HDAC9: variants seen among roughly 807,000 people sequenced by gnomAD.
HDAC9 encodes the protein histone deacetylase 9, also known as MEF-2 interacting transcription repressor (MITR) protein.
In HDAC9, 41 loss-of-function variants were observed where a neutral mutation model predicts 139.4. That is an observed-to-expected ratio of 0.29 (90% CI 0.23 to 0.38). HDAC9 has a LOEUF of 0.38. Among genes scored for constraint, HDAC9 ranks in the 10% least tolerant of loss-of-function variants. The pLI is 1.00. For synonymous variants in HDAC9, 517 were observed against 476.2 expected (o/e 1.09, Z -1.12); for missense variants, 1,147 against 1,297.0 (o/e 0.88, Z 1.78).
chr7:18,217,413 A>AT (rs1346745366), intron 2 of HDAC9, among the ~76,000 whole-genome samples: 1 of 151,690 alleles, frequency 6.6e-6, no homozygotes, highest in Non-Finnish European at 1.5e-5. Context: ...TATCTTTATT[A>AT]TTTTTTCCTC....
intron 2 of HDAC9, among the ~76,000 whole-genome samples, chr7:18,514,884 T>C (rs1802678045): frequency 6.6e-6 from 1 of 152,076 alleles, no homozygotes. Context: ...GAATTTGAGT[T>C]TGAAGTGAGC....
intron 1 of HDAC9, among the ~76,000 whole-genome samples, chr7:18,454,605 G>A (rs964994044): frequency 2.0e-5 from 3 of 151,692 alleles, no homozygotes; most frequent in African/African-American, 4.8e-5. Flanking sequence ...ATCATTATAA[G>A]GTAAAATAAA....
At chr7:18,353,161 C>T (rs1192262896) in intron 1 of HDAC9, among the ~76,000 whole-genome samples, 1 of 152,048 alleles carries the variant, frequency 6.6e-6, no homozygotes, top group Non-Finnish European at 1.5e-5. Flanking sequence ...ATGATACAGG[C>T]ATACAAAAGT....
intron 17 of HDAC9, among the ~76,000 whole-genome samples, chr7:18,817,491 A>G (rs1365952017): frequency 6.6e-6 from 1 of 152,192 alleles, no homozygotes; most frequent in African/African-American, 2.4e-5. Flanking sequence ...GTAATAGAAC[A>G]TTTGGATCTT....
At chr7:18,237,660 G>A (rs922276383) in intron 2 of HDAC9, among the ~76,000 whole-genome samples, 2 of 152,186 alleles carry the variant, frequency 1.3e-5, no homozygotes, top group African/African-American at 4.8e-5. Context: ...GAAGTACTGA[G>A]CTGGGTAATT....
chr7:18,260,311 GTTTTTTTTTTTGTTT>G (rs1446885143), intron 2 of HDAC9, among the ~76,000 whole-genome samples: 1 of 55,010 alleles, frequency 1.8e-5, no homozygotes, highest in African/African-American at 4.1e-5. Flanking sequence ...ACTTTTTTTT[GTTTTTTTTTTTGTTT>G]TTTTTTTTTT....
At chr7:18,640,538 C>T (rs1021441512) in intron 8 of HDAC9, among the ~76,000 whole-genome samples, 4 of 151,650 alleles carry the variant, frequency 2.6e-5, no homozygotes, top group African/African-American at 9.7e-5. Flanking sequence ...CTCCCTCCTT[C>T]CTTGGTTCCT....
At chr7:18,351,898 T>A (rs1782875136) in intron 1 of HDAC9, among the ~76,000 whole-genome samples, 1 of 152,184 alleles carries the variant, frequency 6.6e-6, no homozygotes, top group South Asian at 2.1e-4. Context: ...TCTCAAAAAA[T>A]TTGAATTGAC....
At chr7:18,524,061 G>C (rs887117697) in intron 2 of HDAC9, among the ~76,000 whole-genome samples, 21 of 152,058 alleles carry the variant, frequency 1.4e-4, no homozygotes, top group Non-Finnish European at 1.3e-4. Context: ...AAACATAGAG[G>C]GGAAAGAAGC....
chr7:18,445,416 G>A lies in HDAC9; in HGVS notation c.-41-50846G>A, dbSNP rs558179118. Among the ~76,000 whole-genome samples the A allele has an allele frequency of 1.9e-3, 283 of 152,116 alleles. 1 individual carries two copies. The highest frequency in any genetic ancestry group is 5.5e-3 in the African/African-American group (228 of 41,486). On this transcript the variant is annotated intron_variant, in intron 1 of 3. Coordinates refer to the HDAC9 transcript ENST00000413509. ...TGTTAATCAACTTGACATATCAAGAGGATAATAATTTTCTGCTCATTAAAT... is the reference window on the plus strand; with the variant it reads ...TGTTAATCAACTTGACATATCAAGAAGATAATAATTTTCTGCTCATTAAAT...
At chr7:18,574,942 G>A (rs1825549219) in intron 2 of HDAC9, among the ~76,000 whole-genome samples, 1 of 152,234 alleles carries the variant, frequency 6.6e-6, no homozygotes, top group Non-Finnish European at 1.5e-5. Context: ...ACCCCGGAGG[G>A]TGGGGCTTCT....
intron 6 of HDAC9, among the ~76,000 whole-genome samples, chr7:18,601,449 G>A (rs1232894154): frequency 6.6e-6 from 1 of 151,750 alleles, no homozygotes; most frequent in Non-Finnish European, 1.5e-5. Flanking sequence ...TTCCCAATCT[G>A]TATGCCTTTT....
intron 2 of HDAC9, among the ~76,000 whole-genome samples, chr7:18,222,071 G>A: frequency 6.6e-6 from 1 of 152,114 alleles, no homozygotes; most frequent in East Asian, 1.9e-4. Flanking sequence ...TGGGTCAAAG[G>A]TAACTTTCTC....
chr7:18,203,889 A>G (rs748153097), intron 2 of HDAC9, among the ~76,000 whole-genome samples: 8 of 152,174 alleles, frequency 5.3e-5, no homozygotes, highest in Admixed American at 2.6e-4. Context: ...AAGTAGAAGG[A>G]GCACTGTATT....
intron 12 of HDAC9, among the ~76,000 whole-genome samples, chr7:18,679,918 C>A (rs1337169943): frequency 6.6e-6 from 1 of 151,740 alleles, no homozygotes; most frequent in Non-Finnish European, 1.5e-5. Context: ...TTAAAAGTGC[C>A]TTGCAGTCTT....
chr7:18,806,735 A>G (rs1290107094), intron 17 of HDAC9, among the ~76,000 whole-genome samples: 2 of 152,096 alleles, frequency 1.3e-5, no homozygotes, highest in Admixed American at 1.3e-4. Context: ...TATTGAGAGG[A>G]TCATATGATT....
At chr7:18,894,640 A>AAG (rs1671722633) in intron 22 of HDAC9, among the ~76,000 whole-genome samples, 1 of 152,104 alleles carries the variant, frequency 6.6e-6, no homozygotes, top group Admixed American at 6.6e-5. Context: ...TCTAACGGGG[A>AAG]AGAGATCAAT....
intron 1 of HDAC9, among the ~76,000 whole-genome samples, chr7:18,335,452 T>G (rs1585230699): frequency 6.6e-6 from 1 of 151,496 alleles, no homozygotes; most frequent in African/African-American, 2.4e-5. Context: ...AGGCCCACAA[T>G]GGTCTTGATG....
chr7:18,091,796 C>G (rs1468369459), intron 1 of HDAC9, among the ~76,000 whole-genome samples: 3 of 152,200 alleles, frequency 2.0e-5, no homozygotes, highest in African/African-American at 7.2e-5. Flanking sequence ...CAGAATTTAT[C>G]TCATAGTGGC....
Sources: gnomAD v4.1 joint callset for allele counts (sites outside exome capture counted in the v4.1 genomes callset) on GRCh38, gnomAD v4.1.1 for gene constraint, MANE v1.5 for transcripts, NCBI Gene and HGNC (gene_info 2026-07-23, HGNC 2026-07-21) for gene names.